Variants in BMI1 observed in about 807,000 individuals in gnomAD.
BMI1 encodes BMI1 proto-oncogene, polycomb ring finger, also known as polycomb complex protein BMI-1.
In BMI1, 9 loss-of-function variants were observed where a neutral mutation model predicts 39.1. That is an observed-to-expected ratio of 0.23 (90% CI 0.14 to 0.40). The LOEUF is 0.40. Ranked by LOEUF, BMI1 falls within the 10% of genes least tolerant of loss-of-function variation. BMI1 has a pLI of 1.00. For missense variants in BMI1, 252 were observed against 390.8 expected (o/e 0.64, Z 2.99); for synonymous variants, 131 against 127.9 (o/e 1.02, Z -0.16).
At chr10:22,328,355 ATTGT>A (rs1836206284) in intron 7 of BMI1, among the ~76,000 whole-genome samples, 176 bp downstream of exon 7, 1 of 152,062 alleles carries the variant, frequency 6.6e-6, no homozygotes, top group Admixed American at 6.6e-5. Context: ...TTTATATATG[ATTGT>A]TAGTCTTACA....
In BMI1 at chr10:22,321,233, G is replaced by A. The variant is rs1400105705; in HGVS notation, c.-483G>A. 1.3e-5 allele frequency: 2 copies of A among 150,548 alleles called. No homozygotes were observed. The highest frequency in any genetic ancestry group is 4.9e-5 in the African/African-American group (2 of 41,148). 9.3% of individuals were successfully genotyped at this position (150,548 alleles called of 1,614,324 possible). Reference sequence around the variant, plus strand: ...CCACAGCAACTATGAAATAATCGTAGTATGAGAGGCAGAGATCGGGGCGAG... The same window carrying A: ...CCACAGCAACTATGAAATAATCGTAATATGAGAGGCAGAGATCGGGGCGAG... On this transcript the variant is annotated 5_prime_UTR_variant, in exon 1 of 10. Transcript: ENST00000376663.
chr10:22,322,864 T>C (rs1190400660), intron 1 of BMI1, among the ~76,000 whole-genome samples: 5 of 152,206 alleles, frequency 3.3e-5, no homozygotes, highest in Non-Finnish European at 7.3e-5. Context: ...ATGATCTTTT[T>C]CCCAGAGATT....
chr10:22,327,496 A>G, intron 3 of BMI1, 99 bp from the exon 4 acceptor site: 1 of 1,235,834 alleles, frequency 8.1e-7, no homozygotes. Flanking sequence ...ATCACAATCA[A>G]GTAAAATATT....
chr10:22,321,921 C>G (rs2131998170), intron 1 of BMI1, among the ~76,000 whole-genome samples: 2 of 145,038 alleles, frequency 1.4e-5, no homozygotes, highest in African/African-American at 4.9e-5. Flanking sequence ...GCGCCCGCCG[C>G]CGCCCGCCGA....
chr10:22,326,636 T>C, intron 2 of BMI1, 75 bp downstream of exon 2: 2 of 1,566,616 alleles, frequency 1.3e-6, no homozygotes, highest in Non-Finnish European at 1.7e-6. Context: ...AAACTGTTAA[T>C]GATTCCTGCA....
At chr10:22,325,407 G>A (rs775343881) in intron 1 of BMI1, among the ~76,000 whole-genome samples, 11 of 152,154 alleles carry the variant, frequency 7.2e-5, no homozygotes, top group Non-Finnish European at 1.6e-4. Context: ...AGAGGCCCCC[G>A]GAGTGTCCGA....
Position 22,328,003 on chromosome 10 carries a change from A to G in BMI1, c.370A>G (p.Ile124Val). Reference sequence around the variant, plus strand: ...AGAGGTTGCAGATGAAGATAAGAGAATTATAACTGATGATGAGATAATAAG... The same window carrying G: ...AGAGGTTGCAGATGAAGATAAGAGAGTTATAACTGATGATGAGATAATAAG... ...RGEVADEDKR[I>V]ITDDEIISLS... Residue 124 changes from isoleucine (I) to valine (V), a missense_variant, in exon 6 of 10, where the codon ATT becomes GTT. Ile to Val is a conservative substitution (Grantham distance 29). This residue lies in a region of BMI1 where 67 missense variants were observed against 69.9 expected (regional missense o/e 0.96). Coordinates refer to ENST00000376663, the MANE Select transcript of BMI1 (RefSeq NM_005180.9). 1 of 1,611,568 alleles carries G rather than the reference A, an allele frequency of 6.2e-7. No individual in the cohort carries two copies. Among genetic ancestry groups the G allele is most frequent in the Non-Finnish European group, 8.5e-7 (1 of 1,179,080 alleles).
At chr10:22,328,205 T>C (rs778966671) in intron 7 of BMI1, 26 bp downstream of exon 7, 48 of 1,582,714 alleles carry the variant, frequency 3.0e-5, no homozygotes, top group South Asian at 3.6e-5. Context: ...CAAAAACATA[T>C]AGAAGAAACA....
chr10:22,322,105 C>A (rs1836020594), intron 1 of BMI1: 1 of 152,016 alleles, frequency 6.6e-6, no homozygotes, highest in Non-Finnish European at 1.5e-5. Context: ...GCACATGGCC[C>A]CCGAGAGGAG....
At chr10:22,325,478 C>T (rs1387621090) in intron 1 of BMI1, among the ~76,000 whole-genome samples, 1 of 151,918 alleles carries the variant, frequency 6.6e-6, no homozygotes, top group Non-Finnish European at 1.5e-5. Flanking sequence ...CTCCGGGGTC[C>T]CCGCCGCCCA....
rs749737412 is a variant in BMI1 at position 22,327,023 on chromosome 10, A to T, written c.209+37A>T. 4.4e-6 allele frequency: 7 copies of T among 1,599,890 alleles called. No individual in the cohort carries two copies. The South Asian group carries it at 7.8e-5, about 18-fold the overall frequency. ...TTGAAATTCCTTGTTTGTAATTATT[A>T]TTGGAGTTGTATAATTTACTGAAGG... On this transcript the variant is annotated intron_variant, in intron 3 of 9. Transcript: ENST00000376663.
In BMI1 at chr10:22,328,644, G is replaced by T. The variant is rs755092110; in HGVS notation, c.516G>T (p.Val172=). 2 of 1,608,542 alleles carry T rather than the reference G, an allele frequency of 1.2e-6. No homozygotes were observed. Among genetic ancestry groups the T allele is most frequent in the Non-Finnish European group, 1.7e-6 (2 of 1,177,560 alleles). ...TACGATGCCCAGCAGCAATGACTGT[G>T]ATGCACTTAAGAAAGTTTCTCAGAA... The part of the protein sequence containing the change: ...RYLRCPAAMT[V]MHLRKFLRSK... The change falls in exon 8 of 10, where the codon GTG becomes GTT. Residue 172 remains valine, a synonymous_variant. Coordinates refer to ENST00000376663, the MANE Select transcript of BMI1 (RefSeq NM_005180.9).
chr10:22,328,318 A>G, intron 7 of BMI1, 139 bp downstream of exon 7: 3 of 962,540 alleles, frequency 3.1e-6, no homozygotes, highest in South Asian at 2.3e-5. Flanking sequence ...AAAGGTCTAC[A>G]TGTGATATTT....
Position 22,326,495 on chromosome 10 carries a change from C to T in BMI1, c.46C>T (p.Leu16=), listed in dbSNP as rs553308542. 18 of 1,614,092 alleles carry T rather than the reference C, an allele frequency of 1.1e-5. No homozygotes were observed. In the South Asian group the frequency reaches 1.9e-4, roughly 17 times the overall value. ...CAAGATCACTGAGCTAAATCCCCAC[C>T]TGATGTGTGTGCTTTGTGGAGGGTA... ...RIKITELNPH[L]MCVLCGGYFI... is the part of the protein sequence containing the mutation. Residue 16 remains leucine (L), a synonymous_variant, in exon 2 of 10, where the codon CTG becomes TTG. Coordinates refer to ENST00000376663, the MANE Select transcript of BMI1 (RefSeq NM_005180.9).
chr10:22,326,203 A>C, intron 1 of BMI1: 1 of 493,894 alleles, frequency 2.0e-6, no homozygotes, highest in Non-Finnish European at 3.5e-6. Context: ...TCTTCTACCT[A>C]CAGGAATGAT....
At chr10:22,327,877 C>T (rs1188697757) in intron 5 of BMI1, 73 bp from the exon 6 acceptor site, 24 of 1,591,758 alleles carry the variant, frequency 1.5e-5, no homozygotes, top group African/African-American at 2.7e-5. Flanking sequence ...GACTTTACCA[C>T]TTCCATCCTC....
chr10:22,327,323 A>G (rs1431151531), intron 3 of BMI1, among the ~76,000 whole-genome samples: 5 of 152,180 alleles, frequency 3.3e-5, no homozygotes, highest in Non-Finnish European at 7.4e-5. Flanking sequence ...CCCTATTCAT[A>G]TTAGCTAGTT....
intron 1 of BMI1, among the ~76,000 whole-genome samples, chr10:22,323,401 C>T (rs1018867706): frequency 6.6e-6 from 1 of 152,182 alleles, no homozygotes; most frequent in African/African-American, 2.4e-5. Context: ...ACTTTGTATG[C>T]ATGTATACAC....
At chr10:22,329,001 C>T (rs1302260138) in intron 8 of BMI1, 47 bp from the exon 9 acceptor site, 2 of 1,526,940 alleles carry the variant, frequency 1.3e-6, no homozygotes, top group East Asian at 4.5e-5. Flanking sequence ...AAAAAATGTA[C>T]ATTTACCTTT....
Sources: gnomAD v4.1 joint callset for allele counts (sites outside exome capture counted in the v4.1 genomes callset) on GRCh38, gnomAD v4.1.1 for gene constraint, gnomAD v4.1.1 regional missense constraint, MANE v1.5 for transcripts, NCBI Gene and HGNC (gene_info 2026-07-23, HGNC 2026-07-21) for gene names.